ELMO1: variants seen among roughly 807,000 people sequenced by gnomAD.
The protein encoded by ELMO1 is engulfment and cell motility protein 1.
In ELMO1, 26 loss-of-function variants were observed where a neutral mutation model predicts 98.9. That is an observed-to-expected ratio of 0.26 (90% CI 0.19 to 0.36). The LOEUF (loss-of-function observed/expected upper bound fraction) is 0.36, where lower values mean the gene tolerates loss of function less well. Among genes scored for constraint, ELMO1 ranks in the 10% least tolerant of loss-of-function variants. The pLI is 1.00. For missense variants in ELMO1, 627 were observed against 935.2 expected, an observed-to-expected ratio of 0.67 and a Z score of 4.30; for synonymous variants, 346 against 346.0, an observed-to-expected ratio of 1.00 and a Z score of 0.00.
chr7:37,177,970 G>A (rs1168011835), intron 13 of ELMO1, among the ~76,000 whole-genome samples: 3 of 152,046 alleles, frequency 2.0e-5, no homozygotes. Flanking sequence ...TCAGGAGGGA[G>A]TTAGGCACTG....
In ELMO1 at chr7:37,133,085, T is replaced by C. The variant is rs374535717; in HGVS notation, c.1191+45A>G. Reference sequence around the variant, plus strand: ...CGTATTTGTGAGTTTGAAATTAACATTGAGTAGGAAACACACAATATCTGA... The same window carrying C: ...CGTATTTGTGAGTTTGAAATTAACACTGAGTAGGAAACACACAATATCTGA... On this transcript the variant is annotated intron_variant, in intron 14 of 21. Transcript: ENST00000310758. 2.8e-5 allele frequency: 41 copies of C among 1,477,910 alleles called. 1 individual carries two copies. The highest frequency in any genetic ancestry group is 8.5e-5 in the South Asian group (7 of 82,032). The allele number at this position is 1,477,910 out of a possible 1,614,324, so 91.5% of individuals were successfully genotyped here.
chr7:37,207,371 C>T lies in ELMO1; in HGVS notation c.1086+4015G>A, dbSNP rs183294003. Among the ~76,000 whole-genome samples the T allele has an allele frequency of 2.5e-3, 377 of 149,860 alleles. 1 individual carries two copies. The highest frequency in any genetic ancestry group is 8.9e-3 in the African/African-American group (364 of 40,756). On this transcript the variant is annotated intron_variant, in intron 13 of 21. Coordinates refer to ENST00000310758, the MANE Select transcript of ELMO1 (RefSeq NM_014800.11). ...TTCGAGAGCAGCCTGGCCAACATGG[C>T]GAAACCCTGTCTCTACTAAAAATAC...
At chr7:37,372,920 A>C (rs1802172687) in intron 1 of ELMO1, among the ~76,000 whole-genome samples, 1 of 152,364 alleles carries the variant, frequency 6.6e-6, no homozygotes, top group South Asian at 2.1e-4. Flanking sequence ...CCAGTCAGAC[A>C]GGCTCTTAAT....
chr7:37,409,999 C>A lies in ELMO1; in HGVS notation c.-74+38676G>T, dbSNP rs188638103. 4.0e-3 allele frequency among the ~76,000 whole-genome samples: 615 copies of A among 152,300 alleles called. 2 individuals carry two copies. The highest frequency in any genetic ancestry group is 0.014 in the African/African-American group (586 of 41,560). On this transcript the variant is annotated intron_variant, in intron 1 of 21. Coordinates refer to ENST00000310758, the MANE Select transcript of ELMO1 (RefSeq NM_014800.11). ...TGAATCTTGAAAAGGTAATTATCTC[C>A]CTCCTTCCCGCAAAGTCACATAGCT...
intron 1 of ELMO1, among the ~76,000 whole-genome samples, chr7:37,415,133 G>C (rs1001224548): frequency 6.6e-6 from 1 of 152,140 alleles, no homozygotes; most frequent in African/African-American, 2.4e-5. Flanking sequence ...TGCATACAAA[G>C]CCTGTTAATT....
intron 19 of ELMO1, among the ~76,000 whole-genome samples, chr7:36,876,242 G>C (rs1169756676): frequency 6.6e-6 from 1 of 152,110 alleles, no homozygotes; most frequent in African/African-American, 2.4e-5. Flanking sequence ...GAGAATGCTG[G>C]TGTGAGTTTT....
At chr7:36,893,176 G>GTCTTAAAAATATACTTAAAAATAT (rs1805704620) in intron 17 of ELMO1, among the ~76,000 whole-genome samples, 1 of 152,192 alleles carries the variant, frequency 6.6e-6, no homozygotes, top group African/African-American at 2.4e-5. Context: ...GACTTATTAT[G>GTCTTAAAAATATACTTAAAAATAT]GAAAGCATAA....
At chr7:37,081,660 C>T (rs143081167) in intron 15 of ELMO1, among the ~76,000 whole-genome samples, 30 of 152,280 alleles carry the variant, frequency 2.0e-4, no homozygotes, top group Admixed American at 5.9e-4. Flanking sequence ...CCAGGTAAGA[C>T]GTGCCTTTTG....
chr7:37,163,052 T>C (rs928197173), intron 13 of ELMO1, among the ~76,000 whole-genome samples: 1 of 152,228 alleles, frequency 6.6e-6, no homozygotes, highest in Non-Finnish European at 1.5e-5. Flanking sequence ...AAGTTTTAAA[T>C]AATTTTTCTT....
chr7:36,991,575 T>A (rs185788581), intron 16 of ELMO1, among the ~76,000 whole-genome samples: 54 of 152,316 alleles, frequency 3.5e-4, no homozygotes, highest in Admixed American at 7.8e-4. Flanking sequence ...GAAGACCTTT[T>A]TACAGCTCTT....
intron 17 of ELMO1, 120 bp from the exon 18 acceptor site, chr7:36,887,792 C>T: frequency 1.3e-6 from 1 of 793,898 alleles, no homozygotes; most frequent in South Asian, 1.7e-5. Flanking sequence ...CATCTAATAC[C>T]TCCAACTTGG....
At chr7:37,432,319 G>A (rs1804964075) in intron 1 of ELMO1, among the ~76,000 whole-genome samples, 1 of 152,214 alleles carries the variant, frequency 6.6e-6, no homozygotes, top group South Asian at 2.1e-4. Flanking sequence ...CTCCACACTG[G>A]GGAAGCAAGG....
intron 16 of ELMO1, among the ~76,000 whole-genome samples, chr7:36,934,780 G>A (rs1786365348): frequency 6.6e-6 from 1 of 152,150 alleles, no homozygotes. Flanking sequence ...AAATAGCTAA[G>A]GGCCAGAGAA....
At chr7:36,995,262 C>A (rs2129155657) in intron 16 of ELMO1, among the ~76,000 whole-genome samples, 1 of 152,294 alleles carries the variant, frequency 6.6e-6, no homozygotes, top group East Asian at 1.9e-4. Context: ...GCAATCCCAG[C>A]ACTTTGGGAG....
intron 16 of ELMO1, among the ~76,000 whole-genome samples, chr7:36,957,065 T>C (rs1788515449): frequency 6.6e-6 from 1 of 152,252 alleles, no homozygotes; most frequent in Non-Finnish European, 1.5e-5. Context: ...CTTGTTTCTG[T>C]GGAGAGGATG....
intron 1 of ELMO1, among the ~76,000 whole-genome samples, chr7:37,423,315 T>C (rs1395609443): frequency 6.6e-6 from 1 of 152,194 alleles, no homozygotes; most frequent in Non-Finnish European, 1.5e-5. Flanking sequence ...CGTGGTGGCT[T>C]ACACCTGTAA....
chr7:36,896,110 C>T (rs1256211252), intron 16 of ELMO1, among the ~76,000 whole-genome samples: 1 of 152,192 alleles, frequency 6.6e-6, no homozygotes. Flanking sequence ...AAAAATAAGA[C>T]AAACCACAGA....
chr7:37,090,239 T>C (rs546061477), intron 15 of ELMO1, among the ~76,000 whole-genome samples: 1 of 152,284 alleles, frequency 6.6e-6, no homozygotes, highest in South Asian at 2.1e-4. Flanking sequence ...ACATTTTGAG[T>C]TGAGATTTCT....
intron 13 of ELMO1, among the ~76,000 whole-genome samples, chr7:37,138,298 T>TG (rs1787394709): frequency 6.8e-6 from 1 of 146,600 alleles, no homozygotes; most frequent in Admixed American, 6.8e-5. Context: ...TTTGAAAAGA[T>TG]AAAAAAAAAA....
Sources: allele counts gnomAD v4.1 joint callset (sites outside exome capture counted in the v4.1 genomes callset), GRCh38; gene constraint gnomAD v4.1.1; transcripts MANE v1.5; gene names NCBI Gene and HGNC (gene_info 2026-07-23, HGNC 2026-07-21).